Variants in SLCO1A2 observed in about 807,000 individuals in gnomAD.
SLCO1A2 encodes the protein solute carrier organic anion transporter family member 1A2.
Under a neutral mutation model 69.0 loss-of-function variants are expected in SLCO1A2, and 67 were observed. That is an observed-to-expected ratio of 0.97 (90% confidence interval 0.80 to 1.19). SLCO1A2 has a LOEUF of 1.19. Ranked by LOEUF, SLCO1A2 falls within the 50% of genes most tolerant of loss-of-function variation. The pLI is 0.00. For missense variants in SLCO1A2, 787 were observed against 793.7 expected, an observed-to-expected ratio of 0.99 and a Z score of 0.10; for synonymous variants, 260 against 265.9, an observed-to-expected ratio of 0.98 and a Z score of 0.22.
chr12:21,286,975 A>G lies in SLCO1A2; in HGVS notation c.1610+5189T>C, dbSNP rs1323813611. ...GCAAGGACTTCATGTCCAAAACACC[A>G]AAAGCAATGGCAACAAAAGCCAAAA... On this transcript the variant is annotated intron_variant, in intron 12 of 14. Transcript: ENST00000683939. Among the ~76,000 whole-genome samples, 3 of 149,694 alleles carry G rather than the reference A, an allele frequency of 2.0e-5. No homozygotes were observed. In the South Asian group the frequency reaches 6.4e-4, roughly 32 times the overall value.
Position 21,274,499 on chromosome 12 carries a change from G to A in SLCO1A2, c.1763C>T (p.Ala588Val), listed in dbSNP as rs115364856. 1.9e-6 allele frequency: 3 copies of A among 1,612,582 alleles called. No homozygotes were observed. Among genetic ancestry groups the A allele is most frequent in the African/African-American group, 2.7e-5 (2 of 75,002 alleles). The change falls in exon 14 of 15, where the codon GCA (alanine) becomes GTA (valine). Residue 588 changes from alanine to valine, a missense_variant. Coordinates refer to ENST00000683939, the MANE Select transcript of SLCO1A2 (RefSeq NM_001386879.1). ...WGTLKCGESG[A>V]CRIYDSTTFR... ...GGTGGTGGAATCATATATCCTGCAT[G>A]CCCCTGACTCACCACATTTCAAAGT...
chr12:21,347,450 A>C (rs1953291014), intron 2 of SLCO1A2, among the ~76,000 whole-genome samples: 1 of 152,158 alleles, frequency 6.6e-6, no homozygotes, highest in African/African-American at 2.4e-5. Context: ...GTTCAAGACC[A>C]GCCTAGCCAA....
chr12:21,275,725 G>C (rs1943696953), intron 12 of SLCO1A2, among the ~76,000 whole-genome samples: 1 of 152,130 alleles, frequency 6.6e-6, no homozygotes, highest in African/African-American at 2.4e-5. Context: ...CGGATCACCT[G>C]AGGTCAGGAG....
intron 14 of SLCO1A2, among the ~76,000 whole-genome samples, chr12:21,271,010 T>C (rs1942729207): frequency 6.6e-6 from 1 of 151,816 alleles, no homozygotes; most frequent in Non-Finnish European, 1.5e-5. Context: ...TCTTTTATTA[T>C]GAAACAGTAC....
intron 6 of SLCO1A2, among the ~76,000 whole-genome samples, chr12:21,303,619 C>CA (rs1948993432): frequency 6.6e-6 from 1 of 151,972 alleles, no homozygotes; most frequent in Admixed American, 6.6e-5. Context: ...GATAGAATAA[C>CA]AAAAAATATA....
intron 1 of SLCO1A2, among the ~76,000 whole-genome samples, chr12:21,376,170 C>T (rs1051626619): frequency 1.2e-4 from 19 of 152,044 alleles, no homozygotes; most frequent in African/African-American, 4.6e-4. Context: ...ATATTATTGA[C>T]CTTCCAACCA....
intron 3 of SLCO1A2, among the ~76,000 whole-genome samples, chr12:21,315,723 C>G (rs967308828): frequency 3.3e-5 from 5 of 152,138 alleles, no homozygotes; most frequent in African/African-American, 1.2e-4. Flanking sequence ...CCACATTGAC[C>G]TCTCTAGTTT....
At chr12:21,297,219 TTCTTTCCTTCC>T (rs1947853769) in intron 9 of SLCO1A2, among the ~76,000 whole-genome samples, 174 bp downstream of exon 9, 4 of 125,600 alleles carry the variant, frequency 3.2e-5, no homozygotes, top group African/African-American at 1.1e-4. Flanking sequence ...CTTTCCTTCC[TTCTTTCCTTCC>T]TTCTTTCTTT....
intron 12 of SLCO1A2, among the ~76,000 whole-genome samples, chr12:21,287,588 A>G (rs1006354964): frequency 1.4e-5 from 2 of 143,292 alleles, no homozygotes; most frequent in African/African-American, 2.7e-5. Flanking sequence ...TCTATTCACA[A>G]TAGCAAAGAC....
intron 8 of SLCO1A2, 149 bp from the exon 9 acceptor site, chr12:21,297,717 G>T: frequency 1.7e-6 from 1 of 575,160 alleles, no homozygotes; most frequent in South Asian, 2.6e-5. Flanking sequence ...CCCCTTGAAA[G>T]CTGAAGTCAT....
At chr12:21,314,290 C>T (rs182680585) in intron 4 of SLCO1A2, among the ~76,000 whole-genome samples, 1 of 152,246 alleles carries the variant, frequency 6.6e-6, no homozygotes, top group African/African-American at 2.4e-5. Flanking sequence ...TCGGCTGGTC[C>T]TGAGAATCTT....
intron 1 of SLCO1A2, among the ~76,000 whole-genome samples, chr12:21,401,723 AG>A (rs1941711946): frequency 6.6e-6 from 1 of 151,816 alleles, no homozygotes; most frequent in African/African-American, 2.4e-5. Context: ...ATATTGAAAA[AG>A]ATGATCGGTA....
At chr12:21,417,822 T>C (rs573465761) in intron 1 of SLCO1A2, 26 of 152,234 alleles carry the variant, frequency 1.7e-4, no homozygotes, top group African/African-American at 6.3e-4. Flanking sequence ...AAAAATATAA[T>C]GTACATATAT....
chr12:21,312,624 C>T (rs529717564), intron 4 of SLCO1A2, among the ~76,000 whole-genome samples: 1 of 152,194 alleles, frequency 6.6e-6, no homozygotes, highest in South Asian at 2.1e-4. Flanking sequence ...TCTTTCACTT[C>T]AACACCTGAA....
rs1282512831 is a variant in SLCO1A2 at position 21,266,287 on chromosome 12, A to C, written c.*3261T>G. 6.6e-6 allele frequency: 1 copy of C among 152,128 alleles called. No homozygotes were observed. Among genetic ancestry groups the C allele is most frequent in the East Asian group, 1.9e-4 (1 of 5,188 alleles). The allele number at this position is 152,128 out of a possible 1,614,324, so 9.4% of individuals were successfully genotyped here. On this transcript the variant is annotated 3_prime_UTR_variant, in exon 15 of 15. Transcript: ENST00000683939. ...TACAGACATAAGAGAATTTCCACGG[A>C]AAATCCCACTTCAGACTCTACTCCT... is the stretch of plus-strand genomic sequence containing the variant.
chr12:21,418,499 A>G (rs1414548861), upstream of SLCO1A2, among the ~76,000 whole-genome samples: 3 of 152,174 alleles, frequency 2.0e-5, no homozygotes, highest in Non-Finnish European at 2.9e-5. Context: ...ACATGTGGCT[A>G]GGGAGGCCTC....
At chr12:21,290,064 T>C (rs1018342187) in intron 12 of SLCO1A2, among the ~76,000 whole-genome samples, 1 of 152,038 alleles carries the variant, frequency 6.6e-6, no homozygotes, top group African/African-American at 2.4e-5. Context: ...TGTATGTACA[T>C]ATGTGTGTGT....
Position 21,281,923 on chromosome 12 carries a change from A to C in SLCO1A2, c.1611-6499T>G, listed in dbSNP as rs369999407. Among the ~76,000 whole-genome samples the C allele has an allele frequency of 1.5e-3, 222 of 152,290 alleles. 7 individuals carry two copies. In the South Asian group the frequency reaches 0.045, roughly 31 times the overall value. ...CTGAACAGATCAATAAAAAGTAATGAGATTGAAGCTGTAATAAAGTCTCCA... is the reference window on the plus strand; with the variant it reads ...CTGAACAGATCAATAAAAAGTAATGCGATTGAAGCTGTAATAAAGTCTCCA... On this transcript the variant is annotated intron_variant, in intron 12 of 14. Coordinates refer to ENST00000683939, the MANE Select transcript of SLCO1A2 (RefSeq NM_001386879.1).
At chr12:21,419,367 G>T (rs555960840), upstream of SLCO1A2, 1 of 153,862 alleles carries the variant, frequency 6.5e-6, no homozygotes, top group Non-Finnish European at 1.4e-5. Context: ...TGCGTGCACC[G>T]TGCGCGAGCC....
Sources: gnomAD v4.1 joint callset for allele counts (sites outside exome capture counted in the v4.1 genomes callset) on GRCh38, gnomAD v4.1.1 for gene constraint, MANE v1.5 for transcripts, NCBI Gene and HGNC (gene_info 2026-07-23, HGNC 2026-07-21) for gene names.